The following CHGA variants were observed in gnomAD, a reference collection of about 807,000 sequenced individuals.
CHGA encodes chromogranin A, also known as chromogranin-A.
In CHGA, 41 loss-of-function variants were observed where a neutral mutation model predicts 54.4. That is an observed-to-expected ratio of 0.75 (90% CI 0.59 to 0.98). The LOEUF (loss-of-function observed/expected upper bound fraction) is 0.98. Ranked by LOEUF, CHGA falls within the 50% of genes least tolerant of loss-of-function variation. The pLI is 0.00. For missense variants in CHGA, 576 were observed against 582.3 expected, an observed-to-expected ratio of 0.99 and a Z score of 0.11; for synonymous variants, 249 against 232.8, an observed-to-expected ratio of 1.07 and a Z score of -0.63.
intron 5 of CHGA, 68 bp downstream of exon 5, chr14:92,929,883 G>C (rs996158053): frequency 7.8e-7 from 1 of 1,290,310 alleles, no homozygotes; most frequent in South Asian, 1.2e-5. Context: ...GGCTATGATG[G>C]ACCCAGGGTT....
chr14:92,926,849 T>C, intron 3 of CHGA, 151 bp downstream of exon 3: 1 of 690,484 alleles, frequency 1.4e-6, no homozygotes, highest in Non-Finnish European at 2.5e-6. Context: ...GGGTCCAAGG[T>C]GTACAGACAG....
At chr14:92,928,727 C>T (rs1886936963) in intron 4 of CHGA, among the ~76,000 whole-genome samples, 3 of 152,194 alleles carry the variant, frequency 2.0e-5, no homozygotes, top group Non-Finnish European at 2.9e-5. Context: ...TTCACATGCA[C>T]GTGTGTATCC....
Position 92,932,403 on chromosome 14 carries a change from G to T in CHGA, c.842G>T (p.Gly281Val). ...RSEALAVDGA[G>V]KPGAEEAQDP... is the part of the protein sequence containing the mutation. ...GAGGCTCTGGCTGTGGATGGAGCTG[G>T]GAAGCCTGGGGCTGAGGAGGCTCAG... is the stretch of plus-strand genomic sequence containing the variant. The change falls in exon 7 of 8, where the codon GGG (glycine) becomes GTG (valine). Residue 281 changes from glycine to valine, a missense_variant. By Grantham distance (109) the Gly-to-Val change is moderately radical. Transcript: ENST00000216492. This position sits in a 1 kb window ranked among gnomAD's most constrained non-coding sequence, Gnocchi z 5.3. 6.3e-7 allele frequency: 1 copy of T among 1,580,132 alleles called. No individual in the cohort carries two copies. The highest frequency in any genetic ancestry group is 8.6e-7 in the Non-Finnish European group (1 of 1,163,706).
Position 92,923,398 on chromosome 14 carries a change from CG to C in CHGA, c.42del (p.Gln15LysfsTer7). 7.9e-7 allele frequency: 1 copy of C among 1,267,178 alleles called. No individual in the cohort carries two copies. The highest frequency in any genetic ancestry group is 2.9e-5 in the South Asian group (1 of 34,726). The allele number at this position is 1,267,178 out of a possible 1,614,324, so 78.5% of individuals were successfully genotyped here. ...CTGTCCTGGCTCTTCTGCTCTGCGC[CG>C]GGCAAGGTGAGCGAGCGCGGGGAGC... ...AAVLALLLCAGQVTALPVNSP... is the reference protein window; with the variant it reads ...AAVLALLLCAXQVTALPVNSP... On this transcript the variant is annotated frameshift_variant, in exon 1 of 8. Transcript: ENST00000216492. LOFTEE classifies it high-confidence loss of function.
At chr14:92,922,705 C>G (rs901757649), upstream of CHGA, among the ~76,000 whole-genome samples, 1 of 152,184 alleles carries the variant, frequency 6.6e-6, no homozygotes, top group Non-Finnish European at 1.5e-5. Context: ...CTAGAGCCTC[C>G]TAGATATTGG....
chr14:92,934,996 T>C lies in CHGA; in HGVS notation c.*112T>C. On this transcript the variant is annotated 3_prime_UTR_variant, in exon 8 of 8. Coordinates refer to ENST00000216492, the MANE Select transcript of CHGA (RefSeq NM_001275.4). ...TGCTGCTTCCGGTAGGGAGGCAGCC[T>C]CCAGCCTGCCCAAGCCCAGGCCACC... 1 of 918,414 alleles carries C rather than the reference T, an allele frequency of 1.1e-6. No homozygotes were observed. The highest frequency in any genetic ancestry group is 1.6e-6 in the Non-Finnish European group (1 of 631,874). 56.9% of individuals were successfully genotyped at this position (918,414 alleles called of 1,614,324 possible). A position where few individuals can be genotyped will look rare whatever the true frequency, so the allele number is the denominator to read the frequency against.
At chr14:92,924,164 G>C (rs745989187) in intron 1 of CHGA, 35 bp from the exon 2 acceptor site, 3 of 1,606,264 alleles carry the variant, frequency 1.9e-6, no homozygotes, top group South Asian at 2.3e-5. Context: ...ACTTGGAGCA[G>C]AGGAGTGACC....
In CHGA at chr14:92,935,005, C is replaced by A. The variant is rs1258770615; in HGVS notation, c.*121C>A. On this transcript the variant is annotated 3_prime_UTR_variant, in exon 8 of 8. Coordinates refer to ENST00000216492, the MANE Select transcript of CHGA (RefSeq NM_001275.4). ...CGGTAGGGAGGCAGCCTCCAGCCTG[C>A]CCAAGCCCAGGCCACCCTATCGCCC... 1 of 830,400 alleles carries A rather than the reference C, an allele frequency of 1.2e-6. No homozygotes were observed. Among genetic ancestry groups the A allele is most frequent in the East Asian group, 3.0e-5 (1 of 33,010 alleles). 51.4% of individuals were successfully genotyped at this position (830,400 alleles called of 1,614,324 possible).
intron 2 of CHGA, 50 bp downstream of exon 2, chr14:92,924,295 C>A: frequency 1.3e-6 from 2 of 1,563,040 alleles, no homozygotes; most frequent in Non-Finnish European, 1.7e-6. Flanking sequence ...GTGGACACTT[C>A]ACAGCCAGTT....
chr14:92,932,649 A>G lies in CHGA; in HGVS notation c.1088A>G (p.Glu363Gly). 6.3e-7 allele frequency: 1 copy of G among 1,597,258 alleles called. No homozygotes were observed. Among genetic ancestry groups the G allele is most frequent in the Non-Finnish European group, 8.5e-7 (1 of 1,174,596 alleles). The change falls in exon 7 of 8, where the codon GAG (glutamate) becomes GGG (glycine). Residue 363 changes from glutamate (E) to glycine (G), a missense_variant. Glu to Gly is a moderately conservative substitution (Grantham distance 98, BLOSUM62 -2). Transcript: ENST00000216492. This position sits in a 1 kb window ranked among gnomAD's most constrained non-coding sequence, Gnocchi z 5.3. ...TAEKRLEGQEEEEDNRDSSMK... is the reference protein window; with the variant it reads ...TAEKRLEGQEGEEDNRDSSMK... ...GAGAAGCGGCTGGAGGGGCAGGAGG[A>G]GGAGGAGGACAACCGGGACAGTTCC...
chr14:92,925,439 A>G (rs913547039), intron 2 of CHGA, among the ~76,000 whole-genome samples: 1 of 152,096 alleles, frequency 6.6e-6, no homozygotes, highest in Non-Finnish European at 1.5e-5. Context: ...CCTGGTCACC[A>G]TATTATACCC....
intron 5 of CHGA, 119 bp from the exon 6 acceptor site, chr14:92,931,131 C>A: frequency 9.8e-7 from 1 of 1,019,364 alleles, no homozygotes; most frequent in Non-Finnish European, 1.4e-6. Context: ...AATCGTTGTC[C>A]TGGGCTGGGC....
rs1887100468 is a variant in CHGA, at chr14:92,935,206, G to A, written c.*322G>A. 2.9e-6 allele frequency: 1 copy of A among 347,686 alleles called. No homozygotes were observed. Among genetic ancestry groups the A allele is most frequent in the Non-Finnish European group, 5.1e-6 (1 of 195,236 alleles). 21.5% of individuals were successfully genotyped at this position (347,686 alleles called of 1,614,324 possible). ...AACTGCAATAACTTCTGACCTTTTG[G>A]TGAAAGCTGAGAACTCCTGACTGTA... On this transcript the variant is annotated 3_prime_UTR_variant, in exon 8 of 8. Transcript: ENST00000216492.
intron 3 of CHGA, among the ~76,000 whole-genome samples, 160 bp from the exon 4 acceptor site, chr14:92,927,389 AG>A (rs1442431961): frequency 1.3e-5 from 2 of 152,182 alleles, no homozygotes; most frequent in Non-Finnish European, 2.9e-5. Context: ...CTTGGAAAGG[AG>A]GTAATTTCAA....
rs1481517296 is a variant in CHGA at position 92,932,128 on chromosome 14, C to T, written c.809-242C>T. 1 of 508,072 alleles carries T rather than the reference C, an allele frequency of 2.0e-6. No individual in the cohort carries two copies. The highest frequency in any genetic ancestry group is 3.6e-5 in the East Asian group (1 of 27,972). The allele number at this position is 508,072 out of a possible 1,614,324, so 31.5% of individuals were successfully genotyped here. A position where few individuals can be genotyped will look rare whatever the true frequency, so the allele number is the denominator to read the frequency against. On this transcript the variant is annotated intron_variant, in intron 6 of 7. Transcript: ENST00000216492. This position sits in a 1 kb window ranked among gnomAD's most constrained non-coding sequence, Gnocchi z 5.3. ...CTGCGGGCCTGTCAGGGTCTTTCCTCACTCTCCAGCTGCCGGGCTTCTGGG... is the reference window on the plus strand; with the variant it reads ...CTGCGGGCCTGTCAGGGTCTTTCCTTACTCTCCAGCTGCCGGGCTTCTGGG...
rs569622514 is a variant in CHGA at position 92,931,808 on chromosome 14, G to A, written c.808+106G>A. 4.2e-5 allele frequency: 49 copies of A among 1,178,992 alleles called. No homozygotes were observed. The South Asian group carries it at 6.9e-4, about 17-fold the overall frequency. The allele number at this position is 1,178,992 out of a possible 1,614,324, so 73.0% of individuals were successfully genotyped here. ...TTCCACCTTCATAACAACCCTGAAA[G>A]GTAGGTATTAGCTCCATTTCCCAGG... On this transcript the variant is annotated intron_variant, in intron 6 of 7. Transcript: ENST00000216492.
In CHGA at chr14:92,926,603, A is replaced by G; in HGVS notation, c.94-2A>G. 1 of 1,613,842 alleles carries G rather than the reference A, an allele frequency of 6.2e-7. No homozygotes were observed. Among genetic ancestry groups the G allele is most frequent in the East Asian group, 2.2e-5 (1 of 44,876 alleles). On this transcript the variant is annotated splice_acceptor_variant, in intron 2 of 7. Transcript: ENST00000216492. LOFTEE classifies it high-confidence loss of function. ...CAACCTGCCCCTGCACTGTGTTCCC[A>G]GGTGATGAAATGCATCGTTGAGGTC...
At position 92,927,713 on chromosome 14, in the gene CHGA, T is replaced by C; in HGVS notation, c.256+95T>C. On this transcript the variant is annotated intron_variant, in intron 4 of 7. Transcript: ENST00000216492. The stretch of plus-strand genomic sequence containing the variant: ...GATTCAGCAAGTTCCTCTCTGGGAC[T>C]GTCATTTCCTTTTAATTATAAAGCG... The C allele has an allele frequency of 2.1e-6, 2 of 965,520 alleles. 1 individual carries two copies. The highest frequency in any genetic ancestry group is 2.9e-5 in the South Asian group (2 of 69,456). The allele number at this position is 965,520 out of a possible 1,614,324, so 59.8% of individuals were successfully genotyped here.
Position 92,931,665 on chromosome 14 carries a change from C to G in CHGA, c.771C>G (p.His257Gln). 6.3e-7 allele frequency: 1 copy of G among 1,593,056 alleles called. No individual in the cohort carries two copies. Among genetic ancestry groups the G allele is most frequent in the Non-Finnish European group, 8.6e-7 (1 of 1,166,490 alleles). ...EEGPTVVLNPHPSLGYKEIRK... is the reference protein window; with the variant it reads ...EEGPTVVLNPQPSLGYKEIRK... ...GCCCCACTGTAGTGCTGAACCCCCACCCGAGCCTTGGCTACAAGGAGATCC... is the reference window on the plus strand; with the variant it reads ...GCCCCACTGTAGTGCTGAACCCCCAGCCGAGCCTTGGCTACAAGGAGATCC... Residue 257 changes from histidine (H) to glutamine (Q), a missense_variant, in exon 6 of 8, where the codon CAC (histidine) becomes CAG (glutamine). Physicochemically the swap from His to Gln is conservative, Grantham distance 24. Coordinates refer to ENST00000216492, the MANE Select transcript of CHGA (RefSeq NM_001275.4).
Sources: gnomAD v4.1 joint callset for allele counts (sites outside exome capture counted in the v4.1 genomes callset) on GRCh38, gnomAD v4.1.1 for gene constraint, Gnocchi (gnomAD v3.1) non-coding constraint, MANE v1.5 for transcripts, NCBI Gene and HGNC (gene_info 2026-07-23, HGNC 2026-07-21) for gene names.